The following GOLPH3L variants were observed in gnomAD, a reference collection of about 807,000 sequenced individuals.
GOLPH3L encodes Golgi phosphoprotein 3-like.
In GOLPH3L, 22 loss-of-function variants were observed where a neutral mutation model predicts 30.3. That is an observed-to-expected ratio of 0.73 (90% CI 0.52 to 1.04). The LOEUF (loss-of-function observed/expected upper bound fraction) is 1.04. Among genes scored for constraint, GOLPH3L ranks in the 50% least tolerant of loss-of-function variants. GOLPH3L has a pLI of 0.00. For synonymous variants in GOLPH3L, 120 were observed against 128.2 expected (o/e 0.94, Z 0.43); for missense variants, 303 against 345.8 (o/e 0.88, Z 0.98).
At chr1:150,667,975 C>T (rs901075644) in intron 2 of GOLPH3L, among the ~76,000 whole-genome samples, 4 of 152,098 alleles carry the variant, frequency 2.6e-5, no homozygotes, top group African/African-American at 4.8e-5. Flanking sequence ...TTCTTCCTTC[C>T]AAAACTCCTC....
chr1:150,648,120 T>A lies in GOLPH3L; in HGVS notation c.*201A>T. The A allele has an allele frequency of 4.1e-6, 2 of 489,496 alleles. No individual in the cohort carries two copies. The highest frequency in any genetic ancestry group is 3.6e-6 in the Non-Finnish European group (1 of 278,246). The allele number at this position is 489,496 out of a possible 1,614,324, so 30.3% of individuals were successfully genotyped here. ...TCACCCAGTTTATTTACCTATGGAG[T>A]GGAAGTGTAGGGAGAAATAAGGTCT... On this transcript the variant is annotated 3_prime_UTR_variant, in exon 5 of 5. Coordinates refer to ENST00000271732, the MANE Select transcript of GOLPH3L (RefSeq NM_018178.6).
intron 2 of GOLPH3L, among the ~76,000 whole-genome samples, chr1:150,678,393 A>G (rs1650870244): frequency 2.0e-5 from 3 of 151,926 alleles, no homozygotes; most frequent in Admixed American, 1.3e-4. Flanking sequence ...TAGATGTTTC[A>G]ATTTTAGATA....
intron 2 of GOLPH3L, among the ~76,000 whole-genome samples, chr1:150,672,038 T>C (rs1650657172): frequency 6.6e-6 from 1 of 151,698 alleles, no homozygotes; most frequent in South Asian, 2.1e-4. Flanking sequence ...AGTGAGAAAA[T>C]ATCACTTTTT....
At chr1:150,679,223 G>A (rs1650889654) in intron 2 of GOLPH3L, among the ~76,000 whole-genome samples, 1 of 152,156 alleles carries the variant, frequency 6.6e-6, no homozygotes, top group Non-Finnish European at 1.5e-5. Flanking sequence ...TGCATACATA[G>A]AATGGGCAGT....
At chr1:150,682,283 T>C (rs1034946019) in intron 2 of GOLPH3L, among the ~76,000 whole-genome samples, 4 of 152,076 alleles carry the variant, frequency 2.6e-5, no homozygotes, top group Non-Finnish European at 5.9e-5. Context: ...TATATCCATG[T>C]TATCTCACAC....
At chr1:150,681,872 G>A (rs925742102) in intron 2 of GOLPH3L, among the ~76,000 whole-genome samples, 1 of 152,006 alleles carries the variant, frequency 6.6e-6, no homozygotes, top group Non-Finnish European at 1.5e-5. Flanking sequence ...TTCAAGACCA[G>A]CCTGGCCAAC....
intron 2 of GOLPH3L, among the ~76,000 whole-genome samples, chr1:150,668,532 G>A (rs1014524074): frequency 1.9e-4 from 29 of 152,102 alleles, no homozygotes; most frequent in Non-Finnish European, 3.8e-4. Context: ...ACAGGCGCGT[G>A]CCACCACACC....
chr1:150,691,706 T>C (rs1651217939), intron 2 of GOLPH3L, among the ~76,000 whole-genome samples: 2 of 152,196 alleles, frequency 1.3e-5, no homozygotes, highest in Non-Finnish European at 2.9e-5. Flanking sequence ...ATTTTGTTTA[T>C]AATTGTACCA....
chr1:150,660,970 C>T (rs1650354845), intron 4 of GOLPH3L, among the ~76,000 whole-genome samples: 1 of 152,220 alleles, frequency 6.6e-6, no homozygotes, highest in African/African-American at 2.4e-5. Context: ...TGGCTCACGC[C>T]TGTAATCCCA....
intron 2 of GOLPH3L, among the ~76,000 whole-genome samples, chr1:150,666,413 C>T (rs587736770): frequency 6.6e-6 from 1 of 151,904 alleles, no homozygotes; most frequent in African/African-American, 2.4e-5. Flanking sequence ...GGCACAATCT[C>T]GGCTCACTGC....
chr1:150,694,084 C>G (rs1651288001), intron 2 of GOLPH3L: 1 of 403,820 alleles, frequency 2.5e-6, no homozygotes, highest in Non-Finnish European at 5.0e-6. Flanking sequence ...GTCTTGAACT[C>G]CTGGCCTCAA....
At chr1:150,665,914 GAT>G in intron 2 of GOLPH3L, among the ~76,000 whole-genome samples, 1 of 152,166 alleles carries the variant, frequency 6.6e-6, no homozygotes, top group African/African-American at 2.4e-5. Context: ...ATCCTTGAAA[GAT>G]AGTTTCTCTG....
intron 4 of GOLPH3L, among the ~76,000 whole-genome samples, chr1:150,661,372 C>T (rs1016751639): frequency 2.6e-5 from 4 of 152,054 alleles, no homozygotes; most frequent in South Asian, 2.1e-4. Flanking sequence ...CTTGTCCGTG[C>T]GTGTTCACAG....
chr1:150,678,284 CAAAAAAAAA>C (rs75131824), intron 2 of GOLPH3L, among the ~76,000 whole-genome samples: 1 of 45,922 alleles, frequency 2.2e-5, no homozygotes, highest in African/African-American at 8.0e-5. Context: ...AACTCCGTCT[CAAAAAAAAA>C]AAAAAAAAAA....
intron 2 of GOLPH3L, among the ~76,000 whole-genome samples, chr1:150,665,010 C>G (rs917151459): frequency 6.6e-6 from 1 of 151,982 alleles, no homozygotes; most frequent in African/African-American, 2.4e-5. Flanking sequence ...TATAAGAGAG[C>G]CACTGGTATT....
At chr1:150,658,165 C>T (rs1050546700) in intron 4 of GOLPH3L, among the ~76,000 whole-genome samples, 17 of 152,342 alleles carry the variant, frequency 1.1e-4, no homozygotes, top group Middle Eastern at 3.4e-3. Context: ...CATGTCGAGA[C>T]TGATGCTGAG....
At chr1:150,681,616 TTAA>T (rs1650949678) in intron 2 of GOLPH3L, among the ~76,000 whole-genome samples, 1 of 152,110 alleles carries the variant, frequency 6.6e-6, no homozygotes, top group Non-Finnish European at 1.5e-5. Flanking sequence ...AACCTTAAAG[TTAA>T]TAATAATATA....
intron 2 of GOLPH3L, among the ~76,000 whole-genome samples, chr1:150,689,988 AT>A (rs761036431): frequency 2.8e-4 from 40 of 144,460 alleles, no homozygotes; most frequent in Middle Eastern, 7.1e-3. Flanking sequence ...CCTCAGAAGA[AT>A]TTTTTTTTTT....
At chr1:150,664,455 TC>T (rs1650448929) in intron 2 of GOLPH3L, among the ~76,000 whole-genome samples, 1 of 152,034 alleles carries the variant, frequency 6.6e-6, no homozygotes, top group African/African-American at 2.4e-5. Flanking sequence ...AATTTGAAGT[TC>T]TTTTTTCTTT....
Sources: gnomAD v4.1 joint callset for allele counts (sites outside exome capture counted in the v4.1 genomes callset) on GRCh38, gnomAD v4.1.1 for gene constraint, MANE v1.5 for transcripts, NCBI Gene and HGNC (gene_info 2026-07-23, HGNC 2026-07-21) for gene names.